Variants in EDIL3 observed in about 807,000 individuals in gnomAD.
EDIL3 encodes EGF like and discoidin domains 3.
Under a neutral mutation model 67.4 loss-of-function variants are expected in EDIL3, and 37 were observed. The ratio of observed to expected loss-of-function variants is 0.55; its 90% confidence interval spans 0.42 to 0.72. EDIL3 has a LOEUF of 0.72. Ranked by LOEUF, EDIL3 falls within the 30% of genes least tolerant of loss-of-function variation. The pLI, the probability that EDIL3 is intolerant of heterozygous loss-of-function variation, is 0.00. For synonymous variants in EDIL3, 195 were observed against 196.3 expected (o/e 0.99, Z 0.05); for missense variants, 527 against 586.3 (o/e 0.90, Z 1.04).
chr5:84,079,770 TA>T (rs531915936), intron 6 of EDIL3, among the ~76,000 whole-genome samples: 75 of 152,092 alleles, frequency 4.9e-4, no homozygotes, highest in Admixed American at 6.5e-4. Context: ...TTAAGGGATT[TA>T]AAAAAATAAA....
chr5:84,378,090 T>G (rs566787038), intron 1 of EDIL3, among the ~76,000 whole-genome samples: 1 of 152,354 alleles, frequency 6.6e-6, no homozygotes, highest in South Asian at 2.1e-4. Context: ...TTCTAAAACT[T>G]TATTACCTTA....
chr5:84,141,952 G>GATCGATCGATCTATCTATCTATCT (rs71605902), intron 4 of EDIL3, among the ~76,000 whole-genome samples: 17 of 108,366 alleles, frequency 1.6e-4, no homozygotes, highest in Admixed American at 4.3e-4. Context: ...TATATACATA[G>GATCGATCGATCTATCTATCTATCT]ATCTATCTAT....
intron 3 of EDIL3, among the ~76,000 whole-genome samples, chr5:84,203,853 G>T (rs999387787): frequency 9.9e-5 from 15 of 152,142 alleles, no homozygotes; most frequent in Admixed American, 2.0e-4. Flanking sequence ...TATATCCGAA[G>T]AGGGTAAGGA....
chr5:84,076,164 C>A (rs568009397), intron 6 of EDIL3, among the ~76,000 whole-genome samples: 3 of 151,910 alleles, frequency 2.0e-5, no homozygotes, highest in African/African-American at 7.2e-5. Flanking sequence ...TCAAATCTAG[C>A]TTAAGAGAAG....
intron 10 of EDIL3, among the ~76,000 whole-genome samples, chr5:83,960,257 A>C (rs980259642): frequency 3.3e-5 from 5 of 151,192 alleles, no homozygotes; most frequent in Non-Finnish European, 7.4e-5. Context: ...TCATTAAAAA[A>C]TTTTACATTA....
chr5:84,080,789 A>C (rs1300605407), intron 6 of EDIL3, among the ~76,000 whole-genome samples: 2 of 152,210 alleles, frequency 1.3e-5, no homozygotes, highest in Non-Finnish European at 2.9e-5. Context: ...ATCAATTATA[A>C]ATTTCTTGAC....
intron 9 of EDIL3, among the ~76,000 whole-genome samples, chr5:83,965,547 A>C (rs566752267): frequency 6.6e-6 from 1 of 152,212 alleles, no homozygotes; most frequent in Admixed American, 6.6e-5. Flanking sequence ...CAAGAATATG[A>C]AAACCTCCAG....
Position 84,305,572 on chromosome 5 carries a change from C to G in EDIL3, c.68-51360G>C, listed in dbSNP as rs542855831. Among the ~76,000 whole-genome samples the G allele has an allele frequency of 4.6e-5, 7 of 152,338 alleles. No homozygotes were observed. In the East Asian group the frequency reaches 1.4e-3, roughly 29 times the overall value. ...CCAAGCTGTGAGTTCTCCTGCTTAT[C>G]AGTTAAAAATTAACTTTAAGATACA... On this transcript the variant is annotated intron_variant, in intron 1 of 10. Coordinates refer to ENST00000296591, the MANE Select transcript of EDIL3 (RefSeq NM_005711.5).
intron 9 of EDIL3, among the ~76,000 whole-genome samples, chr5:83,970,643 G>GTATATATATATATATATATA (rs70975530): frequency 2.6e-5 from 3 of 116,152 alleles, no homozygotes; most frequent in Admixed American, 8.4e-5. Flanking sequence ...TAGGATCACA[G>GTATATATATATATATATATA]TATATATATA....
chr5:84,274,832 A>G lies in EDIL3; in HGVS notation c.68-20620T>C, dbSNP rs1421137471. 2.0e-5 allele frequency among the ~76,000 whole-genome samples: 3 copies of G among 152,012 alleles called. No homozygotes were observed. In the East Asian group the frequency reaches 5.8e-4, roughly 29 times the overall value. ...ACAAAGAGAGAAAGACCTTCAGAGC[A>G]CAGTAGTAATCAGAGAGGTAATAAT... On this transcript the variant is annotated intron_variant, in intron 1 of 10. Transcript: ENST00000296591.
At chr5:83,946,559 A>C (rs897232933) in intron 10 of EDIL3, among the ~76,000 whole-genome samples, 2 of 151,952 alleles carry the variant, frequency 1.3e-5, no homozygotes, top group African/African-American at 4.8e-5. Context: ...AGAGGATTCA[A>C]ATCTCAGCAC....
intron 2 of EDIL3, among the ~76,000 whole-genome samples, chr5:84,237,215 C>A (rs1440484116): frequency 6.6e-6 from 1 of 151,976 alleles, no homozygotes; most frequent in Non-Finnish European, 1.5e-5. Flanking sequence ...TAAGTCTGGA[C>A]AAATGAGCTA....
rs568019778 is a variant in EDIL3 at position 84,330,967 on chromosome 5, T to C, written c.67+53341A>G. Reference sequence around the variant, plus strand: ...ACCTCTTGCATCAATGTGACCTGGATGTGAGACATGGAGTCAAAGAAGATC... The same window carrying C: ...ACCTCTTGCATCAATGTGACCTGGACGTGAGACATGGAGTCAAAGAAGATC... On this transcript the variant is annotated intron_variant, in intron 1 of 10. Transcript: ENST00000296591. Among the ~76,000 whole-genome samples, 3 of 152,324 alleles carry C rather than the reference T, an allele frequency of 2.0e-5. No individual in the cohort carries two copies. The South Asian group carries it at 6.2e-4, about 32-fold the overall frequency.
At chr5:84,376,846 A>G (rs1035262065) in intron 1 of EDIL3, among the ~76,000 whole-genome samples, 2 of 152,242 alleles carry the variant, frequency 1.3e-5, no homozygotes, top group African/African-American at 4.8e-5. Flanking sequence ...AACATGAAAC[A>G]AGAACTTGGT....
intron 1 of EDIL3, among the ~76,000 whole-genome samples, chr5:84,255,041 C>T (rs1745101339): frequency 1.3e-5 from 2 of 152,042 alleles, no homozygotes; most frequent in African/African-American, 2.4e-5. Flanking sequence ...AGGAGATTTC[C>T]GGGCAGACTG....
intron 1 of EDIL3, among the ~76,000 whole-genome samples, chr5:84,281,267 C>T (rs1436719694): frequency 6.6e-6 from 1 of 152,134 alleles, no homozygotes; most frequent in Admixed American, 6.6e-5. Flanking sequence ...TATTCATAGG[C>T]TACTGTCTAA....
intron 1 of EDIL3, among the ~76,000 whole-genome samples, chr5:84,294,688 G>A (rs1399864619): frequency 6.6e-6 from 1 of 152,116 alleles, no homozygotes; most frequent in African/African-American, 2.4e-5. Context: ...AAAGAGTTAT[G>A]TAGATTGCAC....
chr5:83,984,534 A>G (rs1397919882), intron 9 of EDIL3, among the ~76,000 whole-genome samples: 3 of 152,146 alleles, frequency 2.0e-5, no homozygotes, highest in Non-Finnish European at 4.4e-5. Flanking sequence ...TAAAAGCTAC[A>G]TACGGTGACA....
chr5:84,131,496 C>A (rs1164802003), intron 5 of EDIL3, among the ~76,000 whole-genome samples: 4 of 152,182 alleles, frequency 2.6e-5, no homozygotes, highest in Admixed American at 1.3e-4. Flanking sequence ...AGGATCATAT[C>A]ATGCTTAGGG....
Sources: allele counts gnomAD v4.1 joint callset (sites outside exome capture counted in the v4.1 genomes callset), GRCh38; gene constraint gnomAD v4.1.1; transcripts MANE v1.5; gene names NCBI Gene and HGNC (gene_info 2026-07-23, HGNC 2026-07-21).